TRIP12: variants seen among roughly 807,000 people sequenced by gnomAD.
The protein encoded by TRIP12 is E3 ubiquitin-protein ligase TRIP12.
In TRIP12, 25 loss-of-function variants were observed where a neutral mutation model predicts 244.2. The ratio of observed to expected loss-of-function variants is 0.10; its 90% CI spans 0.07 to 0.14. The LOEUF (loss-of-function observed/expected upper bound fraction) is 0.14, where lower values mean the gene tolerates loss of function less well. Among genes scored for constraint, TRIP12 ranks in the 10% least tolerant of loss-of-function variants. The pLI is 1.00. For synonymous variants in TRIP12, 905 were observed against 873.1 expected, an observed-to-expected ratio of 1.04 and a Z score of -0.64; for missense variants, 1,677 against 2,486.4, an observed-to-expected ratio of 0.67 and a Z score of 6.92.
Position 229,830,853 on chromosome 2 carries a change from G to A in TRIP12, c.1271-14C>T, listed in dbSNP as rs2053158867. 8 of 1,613,486 alleles carry A rather than the reference G, an allele frequency of 5.0e-6. No homozygotes were observed. The highest frequency in any genetic ancestry group is 5.1e-6 in the Non-Finnish European group (6 of 1,179,678). On this transcript the variant is annotated splice_polypyrimidine_tract_variant and intron_variant, in intron 6 of 41. Coordinates refer to ENST00000675903, the MANE Select transcript of TRIP12 (RefSeq NM_001348323.3). ...CAGAACTAGAGGCTTGGGGTGGAGG[G>A]GAAAGATGAGGGTTAGGAGGAGCAC...
chr2:229,898,773 C>T lies in TRIP12; in HGVS notation c.-49-18645G>A, dbSNP rs111941486. ...GTAGCACAATCAAAGCTCACTATAA[C>T]CTCCACCTCCTGGGCTCAAGTGGTC... is the stretch of plus-strand genomic sequence containing the variant. On this transcript the variant is annotated intron_variant, in intron 1 of 41. Transcript: ENST00000675903. 5.3e-3 allele frequency among the ~76,000 whole-genome samples: 804 copies of T among 152,266 alleles called. 9 individuals are homozygous for T. Among genetic ancestry groups the T allele is most frequent in the African/African-American group, 0.019 (778 of 41,550 alleles).
In TRIP12 at chr2:229,840,815, A is replaced by G. The variant is rs1390227641; in HGVS notation, c.1133+7T>C. 3.9e-6 allele frequency: 6 copies of G among 1,556,196 alleles called. No individual in the cohort carries two copies. The highest frequency in any genetic ancestry group is 1.7e-4 in the Middle Eastern group (1 of 5,800). On this transcript the variant is annotated splice_region_variant and intron_variant, in intron 5 of 41. Transcript: ENST00000675903. ...GAACTCACTATAAAAAAAAAAAAAC[A>G]AATTACCTGGTACTAGCACAGGAGC...
chr2:229,868,131 A>G (rs1184304986), intron 2 of TRIP12, among the ~76,000 whole-genome samples: 2 of 152,362 alleles, frequency 1.3e-5, no homozygotes, highest in Non-Finnish European at 2.9e-5. Context: ...GCCTAATTAG[A>G]GCAGTAAGAT....
intron 4 of TRIP12, among the ~76,000 whole-genome samples, chr2:229,843,684 G>C (rs1247766642): frequency 3.3e-5 from 5 of 152,172 alleles, no homozygotes. Context: ...TTTGAGACCA[G>C]CATCAACAAC....
intron 37 of TRIP12, 94 bp downstream of exon 37, chr2:229,777,221 A>G (rs2036560354): frequency 3.7e-6 from 5 of 1,348,880 alleles, no homozygotes; most frequent in African/African-American, 1.5e-5. Flanking sequence ...TAAAACATTA[A>G]TATAACAACT....
intron 13 of TRIP12, 47 bp downstream of exon 13, chr2:229,813,823 T>A: frequency 1.5e-6 from 2 of 1,297,910 alleles, no homozygotes; most frequent in South Asian, 2.5e-5. Flanking sequence ...ATTAAAAAAA[T>A]TAGTAATAAA....
Position 229,814,250 on chromosome 2 carries a change from T to C in TRIP12, c.1807A>G (p.Lys603Glu). Residue 603 changes from lysine (K) to glutamate (E), a missense_variant, in exon 12 of 42, where the codon AAA becomes GAA. This residue lies in a region of TRIP12 where 572 missense variants were observed against 867.8 expected (regional missense o/e 0.66). Transcript: ENST00000675903. ...ACACTTACCGCCTGTAGAATGGCTT[T>C]ACTATGTCTCCGTGACAACATCTCC... ...ALEMLSRRHS[K>E]AILQAGGLAD... is the part of the protein sequence containing the mutation. 6.2e-7 allele frequency: 1 copy of C among 1,614,176 alleles called. No individual in the cohort carries two copies. The highest frequency in any genetic ancestry group is 8.5e-7 in the Non-Finnish European group (1 of 1,180,016).
chr2:229,896,549 T>C (rs1244907791), intron 1 of TRIP12, among the ~76,000 whole-genome samples: 2 of 152,054 alleles, frequency 1.3e-5, no homozygotes, highest in Non-Finnish European at 2.9e-5. Flanking sequence ...GAGGTGAAGG[T>C]TGCAGTGAGC....
At chr2:229,826,661 A>C (rs559703322) in intron 8 of TRIP12, among the ~76,000 whole-genome samples, 1 of 152,352 alleles carries the variant, frequency 6.6e-6, no homozygotes, top group African/African-American at 2.4e-5. Context: ...CTACACACCT[A>C]GGCTGTCTAG....
intron 23 of TRIP12, 101 bp downstream of exon 23, chr2:229,798,774 T>C: frequency 8.0e-7 from 1 of 1,246,054 alleles, no homozygotes; most frequent in Non-Finnish European, 1.1e-6. Context: ...TAAAGTGCTG[T>C]GTCTATGTAT....
At position 229,807,613 on chromosome 2, in the gene TRIP12, G is replaced by T. The variant is rs781566156; in HGVS notation, c.2496+95C>A. ...GAATCTTGAGTTAATTCAAAATCAA[G>T]CACATTCAAATCCACATATCCACCT... On this transcript the variant is annotated intron_variant, in intron 17 of 41. Transcript: ENST00000675903. The T allele has an allele frequency of 2.8e-6, 4 of 1,422,554 alleles. No homozygotes were observed. The African/African-American group carries it at 4.2e-5, about 15-fold the overall frequency. 88.1% of individuals were successfully genotyped at this position (1,422,554 alleles called of 1,614,324 possible). A position where few individuals can be genotyped will look rare whatever the true frequency, so the allele number is the denominator to read the frequency against.
At chr2:229,871,410 G>A (rs1246892649) in intron 2 of TRIP12, among the ~76,000 whole-genome samples, 1 of 152,182 alleles carries the variant, frequency 6.6e-6, no homozygotes, top group Non-Finnish European at 1.5e-5. Context: ...AATCACTGGG[G>A]TGGATGGATC....
chr2:229,894,067 A>T (rs1390726560), intron 1 of TRIP12, among the ~76,000 whole-genome samples: 1 of 152,172 alleles, frequency 6.6e-6, no homozygotes, highest in Non-Finnish European at 1.5e-5. Context: ...AGGCAAGAGA[A>T]GCACTTGAAC....
intron 21 of TRIP12, among the ~76,000 whole-genome samples, chr2:229,801,846 T>C (rs1393300856): frequency 6.6e-6 from 1 of 152,230 alleles, no homozygotes; most frequent in Non-Finnish European, 1.5e-5. Context: ...TAATTTTCAG[T>C]ATTTTTAACT....
At chr2:229,864,081 C>G (rs548064804) in intron 2 of TRIP12, among the ~76,000 whole-genome samples, 1 of 145,290 alleles carries the variant, frequency 6.9e-6, no homozygotes, top group South Asian at 2.2e-4. Context: ...TGTGTGTGCA[C>G]GCGCACACGT....
At chr2:229,920,900 G>A (rs1031746461) in intron 1 of TRIP12, among the ~76,000 whole-genome samples, 1 of 152,184 alleles carries the variant, frequency 6.6e-6, no homozygotes, top group Admixed American at 6.5e-5. Flanking sequence ...GAGAAGGAAG[G>A]AGAGGGGCTG....
intron 5 of TRIP12, 58 bp downstream of exon 5, chr2:229,840,764 T>C (rs901519817): frequency 1.3e-5 from 16 of 1,186,386 alleles, no homozygotes; most frequent in Middle Eastern, 2.0e-4. Flanking sequence ...TTGATGAAAG[T>C]TGAAATTGAG....
rs1480289884 is a variant in TRIP12, at chr2:229,859,453, G to A, written c.346C>T (p.Arg116Cys). The A allele has an allele frequency of 1.2e-6, 2 of 1,614,012 alleles. No homozygotes were observed. Among genetic ancestry groups the A allele is most frequent in the African/African-American group, 1.3e-5 (1 of 74,910 alleles). ...PKKDNSRGVK[R>C]SASPDYNRTN... ...CTGTTGTAGTCTGGACTAGCACTGC[G>A]CTTCACTCCTCGAGAATTGTCTTTC... The change falls in exon 4 of 42, where the codon CGC (arginine) becomes TGC (cysteine). Residue 116 changes from arginine (R) to cysteine (C), a missense_variant. This residue lies in a region of TRIP12 where 387 missense variants were observed against 392.6 expected (regional missense o/e 0.99). Transcript: ENST00000675903.
intron 4 of TRIP12, among the ~76,000 whole-genome samples, chr2:229,842,832 C>T (rs2056773941): frequency 6.6e-6 from 1 of 152,114 alleles, no homozygotes; most frequent in African/African-American, 2.4e-5. Flanking sequence ...TTATTTTACT[C>T]TTTCACTATT....
Sources: allele counts gnomAD v4.1 joint callset (sites outside exome capture counted in the v4.1 genomes callset), GRCh38; gene constraint gnomAD v4.1.1; regional missense constraint gnomAD v4.1.1; transcripts MANE v1.5; gene names NCBI Gene and HGNC (gene_info 2026-07-23, HGNC 2026-07-21).